Variants in ZFHX3 observed in about 807,000 individuals in gnomAD.
ZFHX3 encodes the protein zinc finger homeobox protein 3.
A neutral mutation model predicts 279.1 loss-of-function variants in ZFHX3; 42 were observed. The ratio of observed to expected loss-of-function variants is 0.15; its 90% confidence interval spans 0.12 to 0.19. The LOEUF (loss-of-function observed/expected upper bound fraction) is 0.19. Among genes scored for constraint, ZFHX3 ranks in the 10% least tolerant of loss-of-function variants. The pLI is 1.00. For synonymous variants in ZFHX3, 2,293 were observed against 1,957.8 expected, an observed-to-expected ratio of 1.17 and a Z score of -4.52; for missense variants, 4,981 against 4,754.0, an observed-to-expected ratio of 1.05 and a Z score of -1.40.
chr16:73,845,402 T>C (rs1272407540), intron 1 of ZFHX3, among the ~76,000 whole-genome samples: 6 of 152,166 alleles, frequency 3.9e-5, no homozygotes, highest in Non-Finnish European at 8.8e-5. Context: ...CCTTCCTTCC[T>C]GGGTGGTGAG....
At chr16:73,146,350 C>T (rs1966862945) in intron 5 of ZFHX3, among the ~76,000 whole-genome samples, 1 of 152,088 alleles carries the variant, frequency 6.6e-6, no homozygotes, top group African/African-American at 2.4e-5. Flanking sequence ...ATCGCTTCAA[C>T]CCGGGAGGCG....
intron 5 of ZFHX3, among the ~76,000 whole-genome samples, chr16:72,815,454 G>T (rs2036579261): frequency 6.6e-6 from 1 of 151,172 alleles, no homozygotes; most frequent in Non-Finnish European, 1.5e-5. Context: ...AACATGCTAT[G>T]CTGGATGAGG....
chr16:73,736,371 A>G (rs2053610533), intron 1 of ZFHX3, among the ~76,000 whole-genome samples: 1 of 152,224 alleles, frequency 6.6e-6, no homozygotes, highest in Non-Finnish European at 1.5e-5. Context: ...CAAATCCGTT[A>G]TTCTAACCAC....
Position 72,788,114 on chromosome 16 carries a change from G to A in ZFHX3, c.10162C>T (p.Gln3388Ter). The A allele has an allele frequency of 6.3e-7, 1 of 1,596,488 alleles. No individual in the cohort carries two copies. The highest frequency in any genetic ancestry group is 8.6e-7 in the Non-Finnish European group (1 of 1,167,882). Reference protein sequence around the residue: ...QQQRQLQQQQQQKVQQQQPKA... With the variant: ...QQQRQLQQQQ The stretch of plus-strand genomic sequence containing the variant: ...GGCTGCTGCTGCTGCACTTTTTGCT[G>A]CTGCTGCTGCTGTAGTTGCCGCTGC... The change falls in exon 10 of 10, where the codon CAG (glutamine) becomes TAG (stop). Residue 3388 changes from glutamine to a stop codon, truncating the protein, a stop_gained. Coordinates refer to ENST00000268489, the MANE Select transcript of ZFHX3 (RefSeq NM_006885.4). LOFTEE classifies it high-confidence loss of function.
At chr16:73,435,711 T>A (rs1327784262) in intron 3 of ZFHX3, among the ~76,000 whole-genome samples, 2 of 152,216 alleles carry the variant, frequency 1.3e-5, no homozygotes, top group Non-Finnish European at 2.9e-5. Context: ...CCATTTCGTG[T>A]CTCACCTGCT....
At chr16:72,919,438 G>T (rs1408753041) in intron 3 of ZFHX3, among the ~76,000 whole-genome samples, 2 of 152,300 alleles carry the variant, frequency 1.3e-5, no homozygotes, top group Middle Eastern at 3.4e-3. Flanking sequence ...TGCGACTACA[G>T]GTGTGAGCCA....
intron 2 of ZFHX3, among the ~76,000 whole-genome samples, chr16:73,610,471 T>G (rs1310841349): frequency 6.6e-6 from 1 of 152,210 alleles, no homozygotes; most frequent in Non-Finnish European, 1.5e-5. Context: ...ATACATTTCT[T>G]GCTCTGAAAA....
At position 73,331,703 on chromosome 16, in the gene ZFHX3, G is replaced by A. The variant is rs577981175; in HGVS notation, c.-1290-13367C>T. Among the ~76,000 whole-genome samples the A allele has an allele frequency of 3.3e-5, 5 of 152,324 alleles. No individual in the cohort carries two copies. The East Asian group carries it at 9.6e-4, about 29-fold the overall frequency. The stretch of plus-strand genomic sequence containing the variant: ...TATAGTATACTAAAATAACACATTT[G>A]TACGCCAGTTCTGCTACATTCCCAG... On this transcript the variant is annotated intron_variant, in intron 3 of 17. Coordinates refer to the ZFHX3 transcript ENST00000641206.
rs1421996052 is a variant in ZFHX3 at position 73,806,971 on chromosome 16, G to A, written c.-1608+84680C>T. 3.9e-5 allele frequency among the ~76,000 whole-genome samples: 6 copies of A among 152,308 alleles called. No homozygotes were observed. In the East Asian group the frequency reaches 1.2e-3, roughly 29 times the overall value. Reference sequence around the variant, plus strand: ...AATTCCACCAACCACGTGATGAGGTGAGGAGGATGGAGGAAATGTTACTGA... The same window carrying A: ...AATTCCACCAACCACGTGATGAGGTAAGGAGGATGGAGGAAATGTTACTGA... On this transcript the variant is annotated intron_variant, in intron 1 of 17. Transcript: ENST00000641206.
At chr16:73,309,742 A>G (rs1213545716) in intron 4 of ZFHX3, among the ~76,000 whole-genome samples, 2 of 152,138 alleles carry the variant, frequency 1.3e-5, no homozygotes, top group East Asian at 3.8e-4. Context: ...TTTGAATTTG[A>G]TCCAGCAGGA....
At chr16:73,360,184 C>T (rs904044093) in intron 3 of ZFHX3, among the ~76,000 whole-genome samples, 1 of 152,200 alleles carries the variant, frequency 6.6e-6, no homozygotes, top group Non-Finnish European at 1.5e-5. Context: ...GAGAATTAAA[C>T]AGCAAGATAC....
chr16:72,981,421 G>A (rs893606527), intron 1 of ZFHX3, among the ~76,000 whole-genome samples: 2 of 152,180 alleles, frequency 1.3e-5, no homozygotes, highest in African/African-American at 4.8e-5. Context: ...TACATCCGTT[G>A]AATTAAAAGC....
chr16:73,790,109 G>C (rs1282665333), intron 1 of ZFHX3, among the ~76,000 whole-genome samples: 1 of 152,068 alleles, frequency 6.6e-6, no homozygotes, highest in Non-Finnish European at 1.5e-5. Context: ...CCAAACTTAG[G>C]GACAAATTTA....
intron 3 of ZFHX3, among the ~76,000 whole-genome samples, chr16:72,892,463 T>C (rs192063754): frequency 3.9e-5 from 6 of 152,254 alleles, no homozygotes; most frequent in Admixed American, 2.0e-4. Flanking sequence ...AAAGCTACTT[T>C]TCTGGAGATA....
intron 4 of ZFHX3, among the ~76,000 whole-genome samples, chr16:73,314,476 A>C (rs2015398884): frequency 6.6e-6 from 1 of 152,220 alleles, no homozygotes; most frequent in Non-Finnish European, 1.5e-5. Context: ...AACTGGGTCA[A>C]AGTCACATGA....
At chr16:73,274,618 C>T (rs944507061) in intron 4 of ZFHX3, among the ~76,000 whole-genome samples, 1 of 152,184 alleles carries the variant, frequency 6.6e-6, no homozygotes, top group African/African-American at 2.4e-5. Flanking sequence ...ACCTGATACC[C>T]TATTTTTATG....
At chr16:72,886,931 G>T (rs1244537137) in intron 4 of ZFHX3, among the ~76,000 whole-genome samples, 2 of 152,166 alleles carry the variant, frequency 1.3e-5, no homozygotes, top group Non-Finnish European at 2.9e-5. Flanking sequence ...CACCAATTAA[G>T]GTGTTTCAAC....
intron 5 of ZFHX3, among the ~76,000 whole-genome samples, chr16:73,226,974 G>T (rs984519284): frequency 1.3e-5 from 2 of 152,116 alleles, no homozygotes; most frequent in African/African-American, 4.8e-5. Flanking sequence ...TGAATTTACC[G>T]ATATTTTATG....
intron 2 of ZFHX3, among the ~76,000 whole-genome samples, chr16:73,548,479 T>TAA (rs1555524255): frequency 6.2e-4 from 94 of 150,486 alleles, no homozygotes; most frequent in African/African-American, 1.9e-3. Context: ...TTTTTTTTTT[T>TAA]AAAAAAAAGT....
Sources: gnomAD v4.1 joint callset for allele counts (sites outside exome capture counted in the v4.1 genomes callset) on GRCh38, gnomAD v4.1.1 for gene constraint, MANE v1.5 for transcripts, NCBI Gene and HGNC (gene_info 2026-07-23, HGNC 2026-07-21) for gene names.